Variants in CSMD1 observed in about 807,000 individuals in gnomAD.
CSMD1 encodes the protein CUB and sushi domain-containing protein 1.
A neutral mutation model predicts 417.5 loss-of-function variants in CSMD1; 213 were observed. The ratio of observed to expected loss-of-function variants is 0.51; its 90% confidence interval spans 0.46 to 0.57. The LOEUF is 0.57. CSMD1 is among the 20% of genes least tolerant of loss of function. CSMD1 has a pLI of 0.00. For missense variants in CSMD1, 6,923 were observed against 4,529.7 expected (o/e 1.53, Z -15.17); for synonymous variants, 2,862 against 1,736.8 (o/e 1.65, Z -16.11).
intron 1 of CSMD1, among the ~76,000 whole-genome samples, chr8:4,940,103 G>T (rs904950084): frequency 6.6e-6 from 1 of 152,150 alleles, no homozygotes; most frequent in Non-Finnish European, 1.5e-5. Context: ...ACTACCGGGG[G>T]CTGCTGAGGA....
At chr8:2,942,384 G>T in intron 69 of CSMD1, 88 bp downstream of exon 69, 7 of 1,068,166 alleles carry the variant, frequency 6.6e-6, no homozygotes, top group Non-Finnish European at 9.3e-6. Context: ...TAAAATACAT[G>T]TGCATGTGAG....
At chr8:3,892,765 T>C (rs898240106) in intron 5 of CSMD1, among the ~76,000 whole-genome samples, 21 of 146,418 alleles carry the variant, frequency 1.4e-4, no homozygotes, top group African/African-American at 5.3e-4. Context: ...AAGTTATTGC[T>C]AGCCATCGTA....
intron 3 of CSMD1, among the ~76,000 whole-genome samples, chr8:4,039,039 G>C (rs988761843): frequency 2.2e-5 from 3 of 134,728 alleles, no homozygotes; most frequent in South Asian, 2.4e-4. Flanking sequence ...CAAAAGAAAA[G>C]TGAAAGCATG....
chr8:4,233,606 C>T (rs1281011973), intron 3 of CSMD1, among the ~76,000 whole-genome samples: 1 of 152,108 alleles, frequency 6.6e-6, no homozygotes, highest in Non-Finnish European at 1.5e-5. Flanking sequence ...TGATCCCCAA[C>T]CAGGACACCT....
intron 25 of CSMD1, among the ~76,000 whole-genome samples, chr8:3,306,531 G>A (rs371101031): frequency 1.4e-4 from 22 of 152,268 alleles, no homozygotes; most frequent in African/African-American, 4.6e-4. Flanking sequence ...CAGCTGGGCT[G>A]ATTCATTTAG....
At chr8:3,134,824 T>G (rs1817988214) in intron 41 of CSMD1, among the ~76,000 whole-genome samples, 1 of 152,148 alleles carries the variant, frequency 6.6e-6, no homozygotes, top group African/African-American at 2.4e-5. Flanking sequence ...TGAGCCTCAT[T>G]TTTCTTATCT....
At chr8:3,247,370 C>G (rs980061210) in intron 26 of CSMD1, among the ~76,000 whole-genome samples, 3 of 152,142 alleles carry the variant, frequency 2.0e-5, no homozygotes, top group African/African-American at 4.8e-5. Context: ...TCCTGAACCG[C>G]TAGCAGTGAA....
At chr8:4,766,446 G>T (rs145630949) in intron 1 of CSMD1, among the ~76,000 whole-genome samples, 2 of 152,282 alleles carry the variant, frequency 1.3e-5, no homozygotes, top group East Asian at 3.9e-4. Flanking sequence ...ATATACAGAA[G>T]GCTAACGTGC....
intron 1 of CSMD1, among the ~76,000 whole-genome samples, chr8:4,776,702 C>A (rs892979096): frequency 6.6e-6 from 1 of 152,172 alleles, no homozygotes; most frequent in Non-Finnish European, 1.5e-5. Flanking sequence ...AGAACACTGG[C>A]TTGATTCCAA....
At chr8:4,278,087 T>A (rs1396066066) in intron 3 of CSMD1, among the ~76,000 whole-genome samples, 1 of 152,174 alleles carries the variant, frequency 6.6e-6, no homozygotes, top group East Asian at 1.9e-4. Flanking sequence ...AAATGCTACA[T>A]TTATAAAATC....
Position 2,935,567 on chromosome 8 carries a change from A to G in CSMD1, c.*3018T>C, listed in dbSNP as rs897201569. 2.0e-5 allele frequency: 3 copies of G among 152,224 alleles called. No homozygotes were observed. Among genetic ancestry groups the G allele is most frequent in the Admixed American group, 6.5e-5 (1 of 15,282 alleles). 9.4% of individuals were successfully genotyped at this position (152,224 alleles called of 1,614,324 possible). On this transcript the variant is annotated 3_prime_UTR_variant, in exon 70 of 70. Transcript: ENST00000635120. The stretch of plus-strand genomic sequence containing the variant: ...CATTTTACATTATTGGGAAAATTAC[A>G]GTTCTGTATTGTAAAAACATTTATT...
At chr8:4,667,497 G>C (rs1198664254) in intron 1 of CSMD1, among the ~76,000 whole-genome samples, 1 of 151,580 alleles carries the variant, frequency 6.6e-6, no homozygotes, top group African/African-American at 2.4e-5. Context: ...TCATGAACAT[G>C]ATATACCCTC....
chr8:4,787,617 G>T, intron 1 of CSMD1: 1 of 1,564,106 alleles, frequency 6.4e-7, no homozygotes, highest in Non-Finnish European at 8.8e-7. Flanking sequence ...GTTTGCAGAA[G>T]AATAGCAACT....
intron 3 of CSMD1, among the ~76,000 whole-genome samples, chr8:4,234,428 C>T (rs181758426): frequency 6.6e-6 from 1 of 152,244 alleles, no homozygotes; most frequent in Admixed American, 6.5e-5. Flanking sequence ...TCCATGGAAA[C>T]TACCTTTGCT....
At chr8:4,248,553 A>C (rs1426858035) in intron 3 of CSMD1, among the ~76,000 whole-genome samples, 3 of 152,172 alleles carry the variant, frequency 2.0e-5, no homozygotes, top group Non-Finnish European at 4.4e-5. Flanking sequence ...GACACATTCT[A>C]TTTCTCTTTG....
intron 4 of CSMD1, among the ~76,000 whole-genome samples, chr8:4,027,084 C>A (rs370044128): frequency 6.6e-6 from 1 of 152,104 alleles, no homozygotes; most frequent in African/African-American, 2.4e-5. Flanking sequence ...CAGGATAGGT[C>A]GGCCACAGAA....
At chr8:3,886,897 C>T (rs1400434905) in intron 5 of CSMD1, among the ~76,000 whole-genome samples, 1 of 152,178 alleles carries the variant, frequency 6.6e-6, no homozygotes, top group African/African-American at 2.4e-5. Context: ...TAATGATTCA[C>T]TGAGCATAAA....
chr8:3,934,221 CAAT>C (rs1810336694), intron 5 of CSMD1, among the ~76,000 whole-genome samples: 1 of 152,218 alleles, frequency 6.6e-6, no homozygotes, highest in Non-Finnish European at 1.5e-5. Flanking sequence ...CCTACCTAAT[CAAT>C]GATGAAAACT....
At chr8:3,833,909 G>C (rs972413147) in intron 5 of CSMD1, among the ~76,000 whole-genome samples, 1 of 152,064 alleles carries the variant, frequency 6.6e-6, no homozygotes, top group Non-Finnish European at 1.5e-5. Flanking sequence ...CCTATTTTGT[G>C]AAATATCAAA....
Sources: gnomAD v4.1 joint callset for allele counts (sites outside exome capture counted in the v4.1 genomes callset) on GRCh38, gnomAD v4.1.1 for gene constraint, MANE v1.5 for transcripts, NCBI Gene and HGNC (gene_info 2026-07-23, HGNC 2026-07-21) for gene names.